The following GALK2 variants were observed in gnomAD, a reference collection of about 807,000 sequenced individuals.
The protein encoded by GALK2 is N-acetylgalactosamine kinase.
A neutral mutation model predicts 52.4 loss-of-function variants in GALK2; 36 were observed. The ratio of observed to expected loss-of-function variants is 0.69; its 90% confidence interval spans 0.53 to 0.91. GALK2 has a LOEUF of 0.91. Ranked by LOEUF, GALK2 falls within the 40% of genes least tolerant of loss-of-function variation. GALK2 has a pLI of 0.00. For synonymous variants in GALK2, 176 were observed against 199.1 expected, an observed-to-expected ratio of 0.88 and a Z score of 0.98; for missense variants, 579 against 559.1, an observed-to-expected ratio of 1.04 and a Z score of -0.36.
downstream of GALK2, among the ~76,000 whole-genome samples, chr15:49,334,643 C>T (rs1436218874): frequency 1.4e-4 from 21 of 151,988 alleles, no homozygotes; most frequent in Admixed American, 6.6e-5. Context: ...GGGCAGGAGA[C>T]GGGAATGGGG....
At chr15:49,319,830 G>A (rs747946841) in intron 9 of GALK2, 25 bp downstream of exon 9, 1 of 1,592,164 alleles carries the variant, frequency 6.3e-7, no homozygotes, top group Non-Finnish European at 8.6e-7. Flanking sequence ...TGGGGGCCAA[G>A]GGATGCCATC....
At chr15:49,365,515 G>T (rs1284274885) in intron 3 of GALK2, 4 of 852,728 alleles carry the variant, frequency 4.7e-6, no homozygotes, top group African/African-American at 1.7e-5. Context: ...GATCAGCTTT[G>T]GTACTCTGAT....
intron 1 of GALK2, 88 bp from the exon 2 acceptor site, chr15:49,201,074 G>A (rs1019440755): frequency 1.5e-6 from 1 of 664,768 alleles, no homozygotes; most frequent in Non-Finnish European, 2.7e-6. Context: ...GTGTGTGTGT[G>A]TGTGTGTGTG....
At chr15:49,228,065 G>A (rs1161700501) in intron 3 of GALK2, among the ~76,000 whole-genome samples, 1 of 152,060 alleles carries the variant, frequency 6.6e-6, no homozygotes, top group Non-Finnish European at 1.5e-5. Flanking sequence ...GGGCCTGTAT[G>A]GTTTCTGCTG....
chr15:49,245,247 A>G (rs1009202004), intron 5 of GALK2, among the ~76,000 whole-genome samples: 9 of 152,152 alleles, frequency 5.9e-5, no homozygotes, highest in Non-Finnish European at 1.2e-4. Flanking sequence ...AACATTTACC[A>G]ATGTTATTTG....
chr15:49,352,001 A>G (rs188296672), intron 3 of GALK2, among the ~76,000 whole-genome samples: 2 of 152,328 alleles, frequency 1.3e-5, no homozygotes, highest in East Asian at 3.9e-4. Context: ...CTGTTCTAAG[A>G]TGGAGTCTAT....
chr15:49,172,098 A>G (rs1274524807), intron 1 of GALK2, among the ~76,000 whole-genome samples: 1 of 152,186 alleles, frequency 6.6e-6, no homozygotes, highest in Non-Finnish European at 1.5e-5. Flanking sequence ...TACATAAAAC[A>G]TACCCATGTG....
At chr15:49,245,129 G>A (rs1335720576) in intron 5 of GALK2, among the ~76,000 whole-genome samples, 2 of 152,084 alleles carry the variant, frequency 1.3e-5, no homozygotes. Flanking sequence ...TAACTTTATT[G>A]AGAAAGGTGG....
intron 3 of GALK2, among the ~76,000 whole-genome samples, chr15:49,344,414 C>T (rs548959612): frequency 6.6e-6 from 1 of 152,200 alleles, no homozygotes; most frequent in South Asian, 2.1e-4. Context: ...AATGTACATA[C>T]CTAAGGTGCT....
chr15:49,308,564 A>T (rs1204169006), intron 8 of GALK2, among the ~76,000 whole-genome samples: 1 of 152,204 alleles, frequency 6.6e-6, no homozygotes, highest in Non-Finnish European at 1.5e-5. Context: ...GATAGCTGAA[A>T]ACCAATGCTC....
At chr15:49,170,183 G>T (rs1203278301), upstream of GALK2, 3 of 1,473,494 alleles carry the variant, frequency 2.0e-6, no homozygotes, top group Non-Finnish European at 2.7e-6. Context: ...AGCCACCTCA[G>T]CGAAGCTGCA....
intron 8 of GALK2, among the ~76,000 whole-genome samples, chr15:49,296,879 G>A (rs2034530082): frequency 2.0e-5 from 3 of 152,196 alleles, no homozygotes; most frequent in Admixed American, 6.5e-5. Context: ...GATTACAGGC[G>A]TGAGCCACTG....
intron 5 of GALK2, among the ~76,000 whole-genome samples, chr15:49,274,064 C>G (rs2031230000): frequency 6.6e-6 from 1 of 152,182 alleles, no homozygotes; most frequent in African/African-American, 2.4e-5. Context: ...TTCCCCATTT[C>G]CTGCCAGAGT....
chr15:49,172,552 T>G (rs1458978323), intron 1 of GALK2, among the ~76,000 whole-genome samples: 1 of 152,222 alleles, frequency 6.6e-6, no homozygotes, highest in Non-Finnish European at 1.5e-5. Flanking sequence ...AAAAAATGAA[T>G]GAATGGTCAG....
intron 3 of GALK2, among the ~76,000 whole-genome samples, chr15:49,357,079 A>G (rs2043284519): frequency 1.3e-5 from 2 of 151,472 alleles, no homozygotes; most frequent in Admixed American, 6.6e-5. Flanking sequence ...GGATGCATTC[A>G]AAGCAGTGTG....
intron 2 of GALK2, among the ~76,000 whole-genome samples, chr15:49,216,333 T>A (rs1337102889): frequency 1.3e-5 from 2 of 152,204 alleles, no homozygotes; most frequent in African/African-American, 4.8e-5. Flanking sequence ...AACTAAGTCC[T>A]GGAATTGACA....
intron 5 of GALK2, among the ~76,000 whole-genome samples, chr15:49,269,420 C>T (rs1290230170): frequency 6.6e-6 from 1 of 152,012 alleles, no homozygotes; most frequent in African/African-American, 2.4e-5. Context: ...TAGAGTTGTG[C>T]CCAAGAACCC....
chr15:49,159,527 G>T (rs1220568539), intron 1 of GALK2, among the ~76,000 whole-genome samples: 1 of 148,448 alleles, frequency 6.7e-6, no homozygotes, highest in Non-Finnish European at 1.5e-5. Context: ...AGTGAGCCGA[G>T]ATCGCACCAT....
At chr15:49,156,581 C>T in intron 1 of GALK2, 1 of 519,232 alleles carries the variant, frequency 1.9e-6, no homozygotes, top group South Asian at 1.5e-5. Flanking sequence ...TGCTGAAACA[C>T]GTCAGGAGCC....
Sources: gnomAD v4.1 joint callset for allele counts (sites outside exome capture counted in the v4.1 genomes callset) on GRCh38, gnomAD v4.1.1 for gene constraint, MANE v1.5 for transcripts, NCBI Gene and HGNC (gene_info 2026-07-23, HGNC 2026-07-21) for gene names.